Variants in CEP63 observed in about 807,000 individuals in gnomAD.
The protein encoded by CEP63 is centrosomal protein of 63 kDa.
CEP63 carries 84 observed loss-of-function variants against 89.1 expected under a neutral mutation model. The observed-to-expected ratio is 0.94, with a 90% CI of 0.79 to 1.13. The LOEUF (loss-of-function observed/expected upper bound fraction) is 1.13. Among genes scored for constraint, CEP63 ranks in the 50% most tolerant of loss-of-function variants. The pLI is 0.00. For synonymous variants in CEP63, 267 were observed against 272.5 expected, an observed-to-expected ratio of 0.98 and a Z score of 0.20; for missense variants, 838 against 813.3, an observed-to-expected ratio of 1.03 and a Z score of -0.37.
At chr3:134,526,941 A>G (rs908893593) in intron 3 of CEP63, among the ~76,000 whole-genome samples, 6 of 152,090 alleles carry the variant, frequency 3.9e-5, no homozygotes, top group South Asian at 2.1e-4. Flanking sequence ...TTGGGCCCCA[A>G]CTTTTTTCTC....
the CEP63 span, among the ~76,000 whole-genome samples, chr3:134,729,941 A>G: frequency 6.6e-6 from 1 of 152,206 alleles, no homozygotes; most frequent in Non-Finnish European, 1.5e-5. Context: ...AAATGCTGAA[A>G]GAGGCCCTGA....
the CEP63 span, among the ~76,000 whole-genome samples, chr3:134,668,371 A>C: frequency 6.6e-6 from 1 of 152,154 alleles, no homozygotes; most frequent in Non-Finnish European, 1.5e-5. Context: ...CATGAAGCCT[A>C]TGGTCATGAG....
At chr3:134,629,631 G>T in the CEP63 span, 1 of 1,600,156 alleles carries the variant, frequency 6.2e-7, no homozygotes, top group South Asian at 1.1e-5. Flanking sequence ...GTTTAGCCAA[G>T]GAGAACTTCT....
intron 6 of CEP63, among the ~76,000 whole-genome samples, chr3:134,542,348 A>T (rs1274059379): frequency 1.3e-5 from 2 of 152,220 alleles, no homozygotes; most frequent in Non-Finnish European, 2.9e-5. Flanking sequence ...GAATTATCAG[A>T]GTTAATTGAA....
chr3:134,734,711 T>A, the CEP63 span, among the ~76,000 whole-genome samples: 1 of 152,186 alleles, frequency 6.6e-6, no homozygotes, highest in Non-Finnish European at 1.5e-5. Flanking sequence ...TTCAGCTAAT[T>A]TTAGTTGTCA....
the CEP63 span, among the ~76,000 whole-genome samples, chr3:134,612,228 G>A: frequency 6.6e-6 from 1 of 152,200 alleles, no homozygotes; most frequent in African/African-American, 2.4e-5. Flanking sequence ...GCTTGGCTCT[G>A]TGGGATGGCT....
the CEP63 span, among the ~76,000 whole-genome samples, chr3:134,660,717 G>T: frequency 2.6e-5 from 4 of 152,168 alleles, no homozygotes; most frequent in African/African-American, 9.7e-5. Flanking sequence ...GCTGGACTTT[G>T]GTGCAGTGAG....
At chr3:134,669,178 C>G in the CEP63 span, among the ~76,000 whole-genome samples, 1 of 151,914 alleles carries the variant, frequency 6.6e-6, no homozygotes, top group African/African-American at 2.4e-5. Context: ...GGCATGTGCC[C>G]CTACACGCGG....
the CEP63 span, chr3:134,613,139 G>A: frequency 8.0e-4 from 123 of 154,468 alleles, 3 homozygotes; most frequent in South Asian, 0.024. Context: ...CTGATTTAGC[G>A]GCGCTGTGGA....
chr3:134,568,697 C>T (rs1054289496), downstream of CEP63, among the ~76,000 whole-genome samples: 2 of 152,180 alleles, frequency 1.3e-5, no homozygotes, highest in African/African-American at 2.4e-5. Flanking sequence ...TATTTTGCTC[C>T]AAAAAGGTTT....
chr3:134,524,489 C>G (rs1948216595), intron 3 of CEP63, among the ~76,000 whole-genome samples: 1 of 152,070 alleles, frequency 6.6e-6, no homozygotes, highest in Non-Finnish European at 1.5e-5. Flanking sequence ...CCAGCTTTTG[C>G]CCATTCAGTA....
downstream of CEP63, among the ~76,000 whole-genome samples, chr3:134,569,611 T>C (rs940563914): frequency 6.6e-6 from 1 of 152,192 alleles, no homozygotes; most frequent in Non-Finnish European, 1.5e-5. Context: ...ACAGCCTCTC[T>C]CCCAGCTGCT....
At chr3:134,779,300 G>T in the CEP63 span, among the ~76,000 whole-genome samples, 94,064 of 152,064 alleles carry the variant, frequency 0.62, 31,744 homozygotes, top group East Asian at 0.87. Flanking sequence ...CTTTCCAATT[G>T]TGCAGCAATA....
At chr3:134,670,746 A>T in the CEP63 span, among the ~76,000 whole-genome samples, 1 of 152,244 alleles carries the variant, frequency 6.6e-6, no homozygotes, top group African/African-American at 2.4e-5. Flanking sequence ...TTATCACAGC[A>T]GAGTTCATAA....
chr3:134,776,483 C>T, the CEP63 span, among the ~76,000 whole-genome samples: 5 of 152,128 alleles, frequency 3.3e-5, no homozygotes, highest in African/African-American at 1.2e-4. Context: ...CGCTACATAT[C>T]AAGTGCCTAA....
At chr3:134,775,831 A>T in the CEP63 span, among the ~76,000 whole-genome samples, 2 of 152,156 alleles carry the variant, frequency 1.3e-5, no homozygotes, top group African/African-American at 4.8e-5. Flanking sequence ...CATTCATTTG[A>T]TGTGGAATGG....
intron 12 of CEP63, among the ~76,000 whole-genome samples, chr3:134,555,797 A>G (rs1001017269): frequency 3.9e-5 from 6 of 152,036 alleles, no homozygotes; most frequent in African/African-American, 1.2e-4. Context: ...TGGAACCAAA[A>G]AAGAGCCCGC....
chr3:134,713,899 C>T, the CEP63 span, among the ~76,000 whole-genome samples: 1 of 152,200 alleles, frequency 6.6e-6, no homozygotes, highest in Non-Finnish European at 1.5e-5. Flanking sequence ...AATGAGATAA[C>T]ACCTGTCCAG....
the CEP63 span, among the ~76,000 whole-genome samples, chr3:134,778,023 G>GAA: frequency 6.6e-6 from 1 of 151,420 alleles, no homozygotes; most frequent in Non-Finnish European, 1.5e-5. Flanking sequence ...TCTCTCATTT[G>GAA]TTCTGCAAGT....
Sources: gnomAD v4.1 joint callset for allele counts (sites outside exome capture counted in the v4.1 genomes callset) on GRCh38, gnomAD v4.1.1 for gene constraint, MANE v1.5 for transcripts, NCBI Gene and HGNC (gene_info 2026-07-23, HGNC 2026-07-21) for gene names.